The following ZRANB3 variants were observed in gnomAD, a reference collection of about 807,000 sequenced individuals.
ZRANB3 encodes zinc finger RANBP2-type containing 3, also known as DNA annealing helicase and endonuclease ZRANB3.
A neutral mutation model predicts 133.8 loss-of-function variants in ZRANB3; 125 were observed. That is an observed-to-expected ratio of 0.93 (90% confidence interval 0.81 to 1.08). The LOEUF (loss-of-function observed/expected upper bound fraction) is 1.08. ZRANB3 is among the 50% of genes least tolerant of loss of function. The probability of loss-of-function intolerance (pLI) is 0.00; values close to 1 mark genes in which losing one functional copy is unlikely to be tolerated. For synonymous variants in ZRANB3, 387 were observed against 432.7 expected (o/e 0.89, Z 1.31); for missense variants, 1,229 against 1,275.5 (o/e 0.96, Z 0.56).
At position 135,251,697 on chromosome 2, in the gene ZRANB3, A is replaced by G. The variant is rs141573994; in HGVS notation, c.1539+13837T>C. 3.2e-3 allele frequency among the ~76,000 whole-genome samples: 488 copies of G among 152,250 alleles called. 2 individuals carry two copies. Among genetic ancestry groups the G allele is most frequent in the African/African-American group, 0.01 (430 of 41,528 alleles). ...TAAGAAGTGCCTTTCTCCTCCTGCC[A>G]TGATTCTGAGGCCTTCTCAGCCATG... On this transcript the variant is annotated intron_variant, in intron 12 of 20. Coordinates refer to ENST00000264159, the MANE Select transcript of ZRANB3 (RefSeq NM_032143.4).
rs376947765 is a variant in ZRANB3 at position 135,210,985 on chromosome 2, C to T, written c.2496-2007G>A. ...TGGAGGGTGCAGTGAACTGAGATTG[C>T]GCCACTGCACTCCAGCCTGGGTGAC... On this transcript the variant is annotated intron_variant, in intron 17 of 20. Transcript: ENST00000264159. Among the ~76,000 whole-genome samples, 88 of 151,822 alleles carry T rather than the reference C, an allele frequency of 5.8e-4. No individual in the cohort carries two copies. The South Asian group carries it at 7.9e-3, about 14-fold the overall frequency.
intron 8 of ZRANB3, among the ~76,000 whole-genome samples, chr2:135,291,576 T>C (rs1239461722): frequency 6.6e-6 from 1 of 150,850 alleles, no homozygotes; most frequent in Non-Finnish European, 1.5e-5. Flanking sequence ...TTTTTTATTT[T>C]TATTTTATTT....
chr2:135,486,484 A>G (rs572494397), intron 2 of ZRANB3, among the ~76,000 whole-genome samples: 1 of 150,778 alleles, frequency 6.6e-6, no homozygotes, highest in East Asian at 1.9e-4. Flanking sequence ...TATTTCCACC[A>G]CATCTGCAGT....
At chr2:135,301,332 C>T (rs928442853) in intron 8 of ZRANB3, among the ~76,000 whole-genome samples, 4 of 151,944 alleles carry the variant, frequency 2.6e-5, no homozygotes, top group African/African-American at 9.7e-5. Flanking sequence ...ATTATAGGCA[C>T]GCACCACCAT....
intron 2 of ZRANB3, among the ~76,000 whole-genome samples, chr2:135,418,881 A>G (rs1474950973): frequency 6.8e-6 from 1 of 147,944 alleles, no homozygotes; most frequent in African/African-American, 2.5e-5. Context: ...TCCTAACTAT[A>G]TATACCTGTC....
intron 2 of ZRANB3, among the ~76,000 whole-genome samples, chr2:135,424,226 A>G (rs1490550131): frequency 6.6e-6 from 1 of 152,178 alleles, no homozygotes; most frequent in African/African-American, 2.4e-5. Flanking sequence ...TAAATATAAT[A>G]GCATTAATAT....
intron 2 of ZRANB3, among the ~76,000 whole-genome samples, chr2:135,400,605 A>G (rs1017349884): frequency 6.6e-6 from 1 of 152,222 alleles, no homozygotes; most frequent in African/African-American, 2.4e-5. Flanking sequence ...AACTAAAGTC[A>G]TAACTTTTGG....
At chr2:135,403,599 G>C (rs970809879) in intron 2 of ZRANB3, among the ~76,000 whole-genome samples, 2 of 152,232 alleles carry the variant, frequency 1.3e-5, no homozygotes, top group South Asian at 4.1e-4. Flanking sequence ...GCTTTGAAGA[G>C]AGCAGTGGTT....
intron 8 of ZRANB3, among the ~76,000 whole-genome samples, chr2:135,290,766 A>C (rs975275618): frequency 7.1e-6 from 1 of 141,834 alleles, no homozygotes; most frequent in Non-Finnish European, 1.5e-5. Context: ...GATTTGTTTC[A>C]AGATCTAGTT....
intron 2 of ZRANB3, among the ~76,000 whole-genome samples, chr2:135,412,608 G>T (rs1688358370): frequency 6.6e-6 from 1 of 152,034 alleles, no homozygotes; most frequent in Non-Finnish European, 1.5e-5. Context: ...GCAGTTTTAT[G>T]AATAAGAATA....
At chr2:135,297,751 A>C (rs1355188963) in intron 8 of ZRANB3, among the ~76,000 whole-genome samples, 1 of 152,154 alleles carries the variant, frequency 6.6e-6, no homozygotes, top group African/African-American at 2.4e-5. Flanking sequence ...AGATTGCATT[A>C]ATTTGAAAGC....
intron 2 of ZRANB3, among the ~76,000 whole-genome samples, chr2:135,458,183 T>C (rs1690609522): frequency 6.6e-6 from 1 of 152,168 alleles, no homozygotes; most frequent in South Asian, 2.1e-4. Flanking sequence ...AGCATACTTG[T>C]TGAAATCAAC....
intron 6 of ZRANB3, among the ~76,000 whole-genome samples, chr2:135,329,301 A>G (rs1199780254): frequency 5.3e-5 from 8 of 152,196 alleles, no homozygotes; most frequent in African/African-American, 1.9e-4. Context: ...TTCGAGCATC[A>G]TTTATTAAAC....
intron 12 of ZRANB3, among the ~76,000 whole-genome samples, chr2:135,264,604 T>C (rs1421131788): frequency 6.6e-6 from 1 of 152,094 alleles, no homozygotes; most frequent in Non-Finnish European, 1.5e-5. Flanking sequence ...TTTGAAAGTG[T>C]TATACCGCTA....
intron 2 of ZRANB3, among the ~76,000 whole-genome samples, chr2:135,405,814 C>T (rs895841907): frequency 9.2e-5 from 14 of 152,130 alleles, no homozygotes; most frequent in African/African-American, 3.4e-4. Flanking sequence ...GGGACACATT[C>T]AAAGCAGTGT....
intron 8 of ZRANB3, among the ~76,000 whole-genome samples, chr2:135,295,959 ATGGGC>A (rs891075714): frequency 1.1e-4 from 16 of 152,290 alleles, no homozygotes; most frequent in African/African-American, 3.9e-4. Flanking sequence ...TGTTAGTCTG[ATGGGC>A]TTCCCTTTGT....
At chr2:135,306,444 C>T (rs575892052) in intron 8 of ZRANB3, among the ~76,000 whole-genome samples, 19 of 150,608 alleles carry the variant, frequency 1.3e-4, no homozygotes, top group Admixed American at 6.6e-4. Flanking sequence ...CCCGCCACCA[C>T]GCCCGGCTAA....
intron 2 of ZRANB3, among the ~76,000 whole-genome samples, chr2:135,414,973 A>C (rs1261754102): frequency 6.6e-6 from 1 of 152,052 alleles, no homozygotes; most frequent in Non-Finnish European, 1.5e-5. Flanking sequence ...AGGGAAATTT[A>C]TAGCACTAAA....
chr2:135,495,293 G>T (rs548588786), intron 2 of ZRANB3, among the ~76,000 whole-genome samples: 1 of 152,072 alleles, frequency 6.6e-6, no homozygotes, highest in Non-Finnish European at 1.5e-5. Flanking sequence ...TAACTGTGCT[G>T]TGTCTATATA....
Sources: allele counts gnomAD v4.1 joint callset (sites outside exome capture counted in the v4.1 genomes callset), GRCh38; gene constraint gnomAD v4.1.1; transcripts MANE v1.5; gene names NCBI Gene and HGNC (gene_info 2026-07-23, HGNC 2026-07-21).